The following GAB1 variants were observed in gnomAD, a reference collection of about 807,000 sequenced individuals.
GAB1 encodes the protein GRB2-associated-binding protein 1.
In GAB1, 19 loss-of-function variants were observed where a neutral mutation model predicts 66.5. That is an observed-to-expected ratio of 0.29 (90% CI 0.20 to 0.42). The LOEUF (loss-of-function observed/expected upper bound fraction) is 0.42, where lower values mean the gene tolerates loss of function less well. Ranked by LOEUF, GAB1 falls within the 10% of genes least tolerant of loss-of-function variation. The probability of loss-of-function intolerance (pLI) is 1.00; values close to 1 mark genes in which losing one functional copy is unlikely to be tolerated. For missense variants in GAB1, 732 were observed against 858.5 expected (o/e 0.85, Z 1.84); for synonymous variants, 294 against 301.4 (o/e 0.98, Z 0.25).
intron 1 of GAB1, among the ~76,000 whole-genome samples, chr4:143,347,190 A>G (rs1729016597): frequency 6.6e-6 from 1 of 152,232 alleles, no homozygotes; most frequent in Non-Finnish European, 1.5e-5. Context: ...TCAAATATAC[A>G]GTATGGTGCC....
In GAB1 at chr4:143,469,391, G is replaced by A; in HGVS notation, c.*202G>A. 1.9e-6 allele frequency: 1 copy of A among 523,904 alleles called. No homozygotes were observed. Among genetic ancestry groups the A allele is most frequent in the Non-Finnish European group, 3.4e-6 (1 of 292,854 alleles). 32.5% of individuals were successfully genotyped at this position (523,904 alleles called of 1,614,324 possible). On this transcript the variant is annotated 3_prime_UTR_variant, in exon 10 of 10. Coordinates refer to ENST00000262994, the MANE Select transcript of GAB1 (RefSeq NM_002039.4). ...GAACAATTCATAACATGTAAATAATGTGGGAAAATAGTATTGTTTAGCTCC... is the reference window on the plus strand; with the variant it reads ...GAACAATTCATAACATGTAAATAATATGGGAAAATAGTATTGTTTAGCTCC...
intron 1 of GAB1, among the ~76,000 whole-genome samples, chr4:143,353,684 A>G (rs201193954): frequency 6.6e-6 from 1 of 151,890 alleles, no homozygotes; most frequent in African/African-American, 2.4e-5. Flanking sequence ...AAAAAAAAAA[A>G]AGAGAGAGAG....
At chr4:143,354,183 T>C (rs1313660940) in intron 1 of GAB1, among the ~76,000 whole-genome samples, 1 of 152,226 alleles carries the variant, frequency 6.6e-6, no homozygotes, top group African/African-American at 2.4e-5. Context: ...GCTCTCTTCA[T>C]TTCAGGTGAC....
intron 2 of GAB1, among the ~76,000 whole-genome samples, chr4:143,432,922 G>A (rs1733737629): frequency 2.0e-5 from 3 of 152,186 alleles, no homozygotes; most frequent in Admixed American, 2.0e-4. Flanking sequence ...GAGGGAAGAG[G>A]TGATGCCTTA....
chr4:143,442,057 C>T (rs879859241), intron 6 of GAB1, among the ~76,000 whole-genome samples: 1 of 151,890 alleles, frequency 6.6e-6, no homozygotes, highest in Admixed American at 6.6e-5. Context: ...TTTTCTTTGT[C>T]TCTAAATCTA....
intron 8 of GAB1, among the ~76,000 whole-genome samples, chr4:143,463,159 T>G (rs1478025489): frequency 6.6e-6 from 1 of 152,180 alleles, no homozygotes; most frequent in Non-Finnish European, 1.5e-5. Context: ...TAGCAATATT[T>G]AACAAACTTC....
At chr4:143,465,963 T>C (rs1241532920) in intron 8 of GAB1, 140 bp from the exon 9 acceptor site, 1 of 822,294 alleles carries the variant, frequency 1.2e-6, no homozygotes, top group African/African-American at 1.7e-5. Flanking sequence ...ACTTATTTTC[T>C]TTCTATCCTA....
At chr4:143,423,792 G>A (rs1285886138) in intron 2 of GAB1, among the ~76,000 whole-genome samples, 1 of 67,762 alleles carries the variant, frequency 1.5e-5, no homozygotes, top group Non-Finnish European at 2.9e-5. Flanking sequence ...AAAAAAAAGT[G>A]TATATATATA....
chr4:143,415,893 T>C, intron 2 of GAB1, 122 bp downstream of exon 2: 1 of 798,606 alleles, frequency 1.3e-6, no homozygotes, highest in Non-Finnish European at 1.9e-6. Flanking sequence ...TAATAGGAAC[T>C]TGACATTTGG....
At chr4:143,349,052 T>A (rs147287081) in intron 1 of GAB1, among the ~76,000 whole-genome samples, 314 of 152,320 alleles carry the variant, frequency 2.1e-3, no homozygotes, top group African/African-American at 7.2e-3. Context: ...TCTCATAGCA[T>A]AGCACTTGCC....
intron 1 of GAB1, among the ~76,000 whole-genome samples, chr4:143,393,219 GT>G (rs1263534282): frequency 1.8e-4 from 25 of 137,666 alleles, no homozygotes; most frequent in South Asian, 4.7e-4. Flanking sequence ...ATTTACAAAG[GT>G]TTTTTTTTTT....
At chr4:143,382,285 G>A (rs1221582588) in intron 1 of GAB1, among the ~76,000 whole-genome samples, 2 of 152,086 alleles carry the variant, frequency 1.3e-5, no homozygotes, top group Non-Finnish European at 2.9e-5. Flanking sequence ...CTGTATATTT[G>A]TTTAGGTATT....
intron 1 of GAB1, among the ~76,000 whole-genome samples, chr4:143,390,484 G>A (rs1731136126): frequency 6.6e-6 from 1 of 151,198 alleles, no homozygotes; most frequent in Non-Finnish European, 1.5e-5. Context: ...ATAGAGACCT[G>A]CAGTTGATTA....
Position 143,383,619 on chromosome 4 carries a change from C to A in GAB1, c.73-31858C>A, listed in dbSNP as rs182421705. Among the ~76,000 whole-genome samples the A allele has an allele frequency of 1.3e-3, 195 of 152,172 alleles. 1 individual carries two copies. The highest frequency in any genetic ancestry group is 4.5e-3 in the African/African-American group (188 of 41,548). On this transcript the variant is annotated intron_variant, in intron 1 of 9. Transcript: ENST00000262994. ...ATTTATATAGCTATATATAGTTATT[C>A]TTTTGTAAGAGTGACTATAAACTGT...
intron 1 of GAB1, among the ~76,000 whole-genome samples, chr4:143,339,497 T>TCCTTTCA (rs1728759561): frequency 6.6e-6 from 1 of 152,198 alleles, no homozygotes; most frequent in Admixed American, 6.5e-5. Context: ...GATGACAGGG[T>TCCTTTCA]GAGACTCCGT....
chr4:143,371,911 G>A (rs1730139438), intron 1 of GAB1, among the ~76,000 whole-genome samples: 1 of 152,134 alleles, frequency 6.6e-6, no homozygotes, highest in Non-Finnish European at 1.5e-5. Flanking sequence ...TTTTTATGAA[G>A]AATCATTGAC....
chr4:143,408,094 C>T lies in GAB1; in HGVS notation c.73-7383C>T, dbSNP rs1021238372. Among the ~76,000 whole-genome samples the T allele has an allele frequency of 9.9e-5, 15 of 152,154 alleles. No individual in the cohort carries two copies. The South Asian group carries it at 2.3e-3, about 23-fold the overall frequency. On this transcript the variant is annotated intron_variant, in intron 1 of 9. Transcript: ENST00000262994. ...TAAGTGCCAGTCTTTAAAATAAAGTCGTGACTCTTTATCTGTCTAGGCTGT... is the reference window on the plus strand; with the variant it reads ...TAAGTGCCAGTCTTTAAAATAAAGTTGTGACTCTTTATCTGTCTAGGCTGT...
chr4:143,428,509 G>A (rs569495166), intron 2 of GAB1, among the ~76,000 whole-genome samples: 13 of 152,190 alleles, frequency 8.5e-5, no homozygotes, highest in African/African-American at 2.9e-4. Context: ...TGGGTGATGG[G>A]CATCCTGTTT....
chr4:143,448,509 T>G (rs960148847), intron 6 of GAB1, among the ~76,000 whole-genome samples: 2 of 151,824 alleles, frequency 1.3e-5, no homozygotes, highest in Admixed American at 6.6e-5. Flanking sequence ...TTCTTCCTGG[T>G]TTAGTCTTGG....
Sources: gnomAD v4.1 joint callset for allele counts (sites outside exome capture counted in the v4.1 genomes callset) on GRCh38, gnomAD v4.1.1 for gene constraint, MANE v1.5 for transcripts, NCBI Gene and HGNC (gene_info 2026-07-23, HGNC 2026-07-21) for gene names.